The following HEMGN variants were observed in gnomAD, a reference collection of about 807,000 sequenced individuals.
HEMGN encodes hemogen, also known as erythroid differentiation-associated gene protein.
In HEMGN, 32 loss-of-function variants were observed where a neutral mutation model predicts 45.7. The observed-to-expected ratio is 0.70, with a 90% confidence interval of 0.53 to 0.94. HEMGN has a LOEUF of 0.94. Ranked by LOEUF, HEMGN falls within the 40% of genes least tolerant of loss-of-function variation. The pLI is 0.00. For missense variants in HEMGN, 530 were observed against 564.2 expected, an observed-to-expected ratio of 0.94 and a Z score of 0.61; for synonymous variants, 183 against 178.6, an observed-to-expected ratio of 1.02 and a Z score of -0.20.
At chr9:97,931,375 T>C (rs1235337786) in intron 2 of HEMGN, among the ~76,000 whole-genome samples, 154 bp from the exon 3 acceptor site, 1 of 152,158 alleles carries the variant, frequency 6.6e-6, no homozygotes, top group Non-Finnish European at 1.5e-5. Flanking sequence ...GTTTGTAAAA[T>C]GAAGGAGCAG....
At chr9:97,940,976 A>G (rs1400302876), upstream of HEMGN, among the ~76,000 whole-genome samples, 2 of 152,238 alleles carry the variant, frequency 1.3e-5, no homozygotes, top group Non-Finnish European at 2.9e-5. Context: ...TGCCCAGCGC[A>G]GTCCTATGTG....
At chr9:97,938,219 CA>C, upstream of HEMGN, 1 of 862,906 alleles carries the variant, frequency 1.2e-6, no homozygotes, top group Non-Finnish European at 1.9e-6. Flanking sequence ...AAACATCTAA[CA>C]CTTAAAAAAA....
At chr9:97,932,443 TAGAAAAAA>T (rs1826972053) in intron 2 of HEMGN, among the ~76,000 whole-genome samples, 1 of 151,836 alleles carries the variant, frequency 6.6e-6, no homozygotes, top group African/African-American at 2.4e-5. Context: ...TATGAGGCTA[TAGAAAAAA>T]AGAAAAAAAG....
intron 3 of HEMGN, 33 bp from the exon 4 acceptor site, chr9:97,927,511 A>G (rs764542924): frequency 5.7e-6 from 8 of 1,412,816 alleles, no homozygotes; most frequent in Non-Finnish European, 2.0e-6. Context: ...AAATAGATTC[A>G]ATAAATTGTA....
intron 3 of HEMGN, among the ~76,000 whole-genome samples, chr9:97,928,459 A>C (rs576131657): frequency 6.6e-6 from 1 of 152,304 alleles, no homozygotes; most frequent in African/African-American, 2.4e-5. Flanking sequence ...GGCTAGTCTG[A>C]CTGACTGTAT....
chr9:97,927,549 G>A (rs1826851611), intron 3 of HEMGN, 71 bp from the exon 4 acceptor site: 4 of 981,756 alleles, frequency 4.1e-6, no homozygotes, highest in Non-Finnish European at 6.4e-6. Flanking sequence ...CCATTTGGAG[G>A]AAGAAAAACT....
At chr9:97,944,117 TA>T (rs1827189655) in intron 1 of HEMGN, among the ~76,000 whole-genome samples, 1 of 152,218 alleles carries the variant, frequency 6.6e-6, no homozygotes, top group African/African-American at 2.4e-5. Flanking sequence ...TTGATCCAAC[TA>T]TATACTTTTA....
chr9:97,929,758 C>T (rs1826905660), intron 3 of HEMGN, among the ~76,000 whole-genome samples: 1 of 152,180 alleles, frequency 6.6e-6, no homozygotes, highest in South Asian at 2.1e-4. Flanking sequence ...AATAATTCAT[C>T]CTATATTGGG....
intron 1 of HEMGN, among the ~76,000 whole-genome samples, chr9:97,943,205 C>T (rs998869354): frequency 1.3e-5 from 2 of 152,164 alleles, no homozygotes; most frequent in Non-Finnish European, 2.9e-5. Flanking sequence ...CCCATCAACC[C>T]GGACAGTGTT....
chr9:97,942,267 A>C (rs1827163622), upstream of HEMGN, among the ~76,000 whole-genome samples: 1 of 146,496 alleles, frequency 6.8e-6, no homozygotes. Flanking sequence ...ATTCCCTCTA[A>C]TTCCTTCTTT....
chr9:97,936,684 G>A (rs1269036121), intron 1 of HEMGN, among the ~76,000 whole-genome samples: 2 of 151,984 alleles, frequency 1.3e-5, no homozygotes, highest in Non-Finnish European at 2.9e-5. Flanking sequence ...TTTTTATTAA[G>A]CTAGCGTTAT....
chr9:97,943,798 T>A (rs562946176), intron 1 of HEMGN, among the ~76,000 whole-genome samples: 1 of 152,322 alleles, frequency 6.6e-6, no homozygotes, highest in South Asian at 2.1e-4. Flanking sequence ...ATCTAGCTTT[T>A]TCTTTCACTC....
chr9:97,932,543 C>T (rs866761563), intron 2 of HEMGN, among the ~76,000 whole-genome samples: 18 of 152,266 alleles, frequency 1.2e-4, no homozygotes, highest in Middle Eastern at 6.8e-3. Context: ...CGTTGGCTCA[C>T]GCCTGTAATC....
chr9:97,944,707 A>G (rs921395949), intron 1 of HEMGN: 1 of 152,130 alleles, frequency 6.6e-6, no homozygotes, highest in East Asian at 1.9e-4. Context: ...TAACTTCCCA[A>G]TGTTCTTTCC....
In HEMGN at chr9:97,930,253, G is replaced by GA. The variant is rs1826917448; in HGVS notation, c.1141dup (p.Ser381PhefsTer3). The GA allele has an allele frequency of 6.2e-7, 1 of 1,614,106 alleles. No individual in the cohort carries two copies. Among genetic ancestry groups the GA allele is most frequent in the Non-Finnish European group, 8.5e-7 (1 of 1,179,990 alleles). On this transcript the variant is annotated frameshift_variant, in exon 3 of 4. Transcript: ENST00000616898. LOFTEE classifies it high-confidence loss of function. ...GGATGTTTCTTGGTATATTTCAGGTGAATATTCTTCAAGCCCAGGTATTTC... is the reference window on the plus strand; with the variant it reads ...GGATGTTTCTTGGTATATTTCAGGTGAAATATTCTTCAAGCCCAGGTATTTC...
intron 1 of HEMGN, among the ~76,000 whole-genome samples, chr9:97,936,953 C>T (rs1271936344): frequency 1.3e-5 from 2 of 152,012 alleles, no homozygotes; most frequent in Non-Finnish European, 2.9e-5. Context: ...AAAAAAGTTT[C>T]TGCTGCTGTC....
chr9:97,936,968 G>T (rs1369382265), intron 1 of HEMGN, among the ~76,000 whole-genome samples: 2 of 152,102 alleles, frequency 1.3e-5, no homozygotes, highest in African/African-American at 4.8e-5. Context: ...GCTGTCTAAG[G>T]TTGAGAAAAA....
chr9:97,930,796 T>G lies in HEMGN; in HGVS notation c.599A>C (p.Asn200Thr), dbSNP rs371151700. The G allele has an allele frequency of 2.5e-6, 4 of 1,613,998 alleles. No homozygotes were observed. The highest frequency in any genetic ancestry group is 3.4e-6 in the Non-Finnish European group (4 of 1,180,014). Residue 200 changes from asparagine (N) to threonine (T), a missense_variant, in exon 3 of 4, where the codon AAC becomes ACC. By Grantham distance (65) the Asn-to-Thr change is moderately conservative (BLOSUM62 0). Transcript: ENST00000616898. ...ICQDMKEPED[N>T]SPNTCQVISV... ...TATTACTTGGCATGTGTTAGGAGAG[T>G]TGTCTTCAGGTTCCTTCATGTCTTG...
upstream of HEMGN, among the ~76,000 whole-genome samples, chr9:97,939,555 C>G (rs576790252): frequency 6.6e-6 from 1 of 152,086 alleles, no homozygotes; most frequent in African/African-American, 2.4e-5. Flanking sequence ...AACTGAGAAC[C>G]GAGGAGGAGA....
Sources: gnomAD v4.1 joint callset for allele counts (sites outside exome capture counted in the v4.1 genomes callset) on GRCh38, gnomAD v4.1.1 for gene constraint, MANE v1.5 for transcripts, NCBI Gene and HGNC (gene_info 2026-07-23, HGNC 2026-07-21) for gene names.